The following NRG1 variants were observed in gnomAD, a reference collection of about 807,000 sequenced individuals.
The protein encoded by NRG1 is neuregulin 1.
A neutral mutation model predicts 63.8 loss-of-function variants in NRG1; 18 were observed. That is an observed-to-expected ratio of 0.28 (90% confidence interval 0.19 to 0.42). The LOEUF (loss-of-function observed/expected upper bound fraction) is 0.42, where lower values mean the gene tolerates loss of function less well. Among genes scored for constraint, NRG1 ranks in the 10% least tolerant of loss-of-function variants. The pLI is 1.00. For synonymous variants in NRG1, 302 were observed against 301.3 expected (o/e 1.00, Z -0.02); for missense variants, 762 against 814.7 (o/e 0.94, Z 0.79).
At chr8:32,412,285 T>G (rs1288268337) in intron 1 of NRG1, among the ~76,000 whole-genome samples, 2 of 151,730 alleles carry the variant, frequency 1.3e-5, no homozygotes, top group African/African-American at 4.8e-5. Context: ...AGATTTAGAC[T>G]GAAACTACAC....
intron 11 of NRG1, among the ~76,000 whole-genome samples, chr8:32,761,946 G>C (rs567021631): frequency 5.2e-4 from 79 of 150,780 alleles, no homozygotes; most frequent in Middle Eastern, 3.4e-3. Context: ...GGCTGAGGCA[G>C]GAGAATTGCT....
chr8:31,657,648 T>C (rs1453227855), intron 1 of NRG1, among the ~76,000 whole-genome samples: 1 of 152,222 alleles, frequency 6.6e-6, no homozygotes, highest in Non-Finnish European at 1.5e-5. Context: ...CTGCACAAGA[T>C]TAGAAGATGG....
At chr8:32,686,516 A>G (rs1339636307) in intron 5 of NRG1, among the ~76,000 whole-genome samples, 1 of 152,208 alleles carries the variant, frequency 6.6e-6, no homozygotes, top group Non-Finnish European at 1.5e-5. Context: ...GTGCTTCTTC[A>G]TGTGTCAGCC....
chr8:32,230,647 C>T (rs937716851), intron 1 of NRG1, among the ~76,000 whole-genome samples: 1 of 152,014 alleles, frequency 6.6e-6, no homozygotes, highest in African/African-American at 2.4e-5. Context: ...GGCCTGGAGT[C>T]ACGTCATTGC....
chr8:32,247,688 T>A lies in NRG1; in HGVS notation c.38-348140T>A, dbSNP rs1035274685. On this transcript the variant is annotated intron_variant, in intron 1 of 10. Transcript: ENST00000519301. ...TTAACTAAGGTGACAGCAAAAAGAG[T>A]GAAAAAGTAAGCACAGGCAGTAACA... 4.6e-5 allele frequency among the ~76,000 whole-genome samples: 7 copies of A among 152,008 alleles called. No homozygotes were observed. In the East Asian group the frequency reaches 1.4e-3, roughly 29 times the overall value.
intron 1 of NRG1, among the ~76,000 whole-genome samples, chr8:32,279,990 T>C (rs1396517973): frequency 6.6e-6 from 1 of 152,230 alleles, no homozygotes; most frequent in Non-Finnish European, 1.5e-5. Flanking sequence ...GTGCCCAGAC[T>C]TCTGACTTCA....
chr8:32,128,493 A>G (rs185531463), intron 1 of NRG1, among the ~76,000 whole-genome samples: 9 of 152,070 alleles, frequency 5.9e-5, no homozygotes, highest in African/African-American at 1.2e-4. Context: ...CTGGAGAGTC[A>G]TCTCTGGTCT....
chr8:32,055,600 T>C (rs1822783061), intron 1 of NRG1, among the ~76,000 whole-genome samples: 1 of 152,020 alleles, frequency 6.6e-6, no homozygotes, highest in African/African-American at 2.4e-5. Flanking sequence ...TAATCTGAGT[T>C]CATTTTTTTT....
intron 5 of NRG1, among the ~76,000 whole-genome samples, chr8:32,679,027 A>C (rs1807925944): frequency 6.6e-6 from 1 of 152,046 alleles, no homozygotes. Flanking sequence ...GGTGCTGTGC[A>C]CTTGTAGTTC....
chr8:31,692,074 C>T (rs891688523), intron 1 of NRG1, among the ~76,000 whole-genome samples: 15 of 152,170 alleles, frequency 9.9e-5, no homozygotes, highest in Non-Finnish European at 1.8e-4. Context: ...CTCAAGCAAT[C>T]CCCCTGCTTA....
intron 5 of NRG1, among the ~76,000 whole-genome samples, chr8:32,662,953 G>A (rs2439322): frequency 0.55 from 83,756 of 151,860 alleles, 23,662 homozygotes; most frequent in East Asian, 0.62. Context: ...AAATCAATAC[G>A]GCTTTATGTG....
chr8:31,780,355 T>C (rs576718065), intron 1 of NRG1, among the ~76,000 whole-genome samples: 1 of 152,330 alleles, frequency 6.6e-6, no homozygotes, highest in South Asian at 2.1e-4. Flanking sequence ...ATCTTTATAA[T>C]AGGCTTATGG....
chr8:32,712,167 G>T (rs1817983407), intron 5 of NRG1, among the ~76,000 whole-genome samples: 1 of 152,116 alleles, frequency 6.6e-6, no homozygotes, highest in African/African-American at 2.4e-5. Context: ...GCATGTGAAA[G>T]AATCTAGACA....
intron 1 of NRG1, among the ~76,000 whole-genome samples, chr8:31,928,436 TG>T (rs1292276523): frequency 1.4e-5 from 2 of 147,280 alleles, no homozygotes; most frequent in African/African-American, 5.1e-5. Flanking sequence ...GAAAACAATA[TG>T]GGGATTTCTC....
intron 1 of NRG1, among the ~76,000 whole-genome samples, chr8:32,089,172 G>A (rs116548291): frequency 0.016 from 2,370 of 152,236 alleles, 31 homozygotes; most frequent in African/African-American, 0.039. Flanking sequence ...TGCACGCAGC[G>A]CACTCTGCCA....
chr8:32,089,203 G>A (rs1334966385), intron 1 of NRG1, among the ~76,000 whole-genome samples: 4 of 152,182 alleles, frequency 2.6e-5, no homozygotes, highest in Non-Finnish European at 5.9e-5. Flanking sequence ...ATACTCCACA[G>A]CAACAGAACA....
intron 1 of NRG1, among the ~76,000 whole-genome samples, chr8:32,209,712 C>CCCTT (rs200085311): frequency 0.073 from 9,645 of 131,674 alleles, 404 homozygotes; most frequent in East Asian, 0.13. Flanking sequence ...TTCTCTCTTT[C>CCCTT]CCTTCCTTCC....
At chr8:32,470,074 T>C (rs1432944533) in intron 1 of NRG1, among the ~76,000 whole-genome samples, 1 of 147,312 alleles carries the variant, frequency 6.8e-6, no homozygotes, top group Non-Finnish European at 1.5e-5. Flanking sequence ...GGTTTCACCA[T>C]GTTGGCCAGA....
chr8:32,670,150 C>T (rs2128892565), intron 5 of NRG1, among the ~76,000 whole-genome samples: 1 of 152,282 alleles, frequency 6.6e-6, no homozygotes, highest in South Asian at 2.1e-4. Context: ...ATTCTTGAAA[C>T]TCCTTCTCTT....
Sources: allele counts gnomAD v4.1 joint callset (sites outside exome capture counted in the v4.1 genomes callset), GRCh38; gene constraint gnomAD v4.1.1; transcripts MANE v1.5; gene names NCBI Gene and HGNC (gene_info 2026-07-23, HGNC 2026-07-21).